Variants in ZNF217 observed in about 807,000 individuals in gnomAD.
The protein encoded by ZNF217 is zinc finger protein 217.
In ZNF217, 12 loss-of-function variants were observed where a neutral mutation model predicts 73.3. The ratio of observed to expected loss-of-function variants is 0.16; its 90% CI spans 0.10 to 0.27. The LOEUF (loss-of-function observed/expected upper bound fraction) is 0.27. ZNF217 is among the 10% of genes least tolerant of loss of function. ZNF217 has a pLI of 1.00. For missense variants in ZNF217, 1,195 were observed against 1,327.8 expected (o/e 0.90, Z 1.55); for synonymous variants, 588 against 516.4 (o/e 1.14, Z -1.88).
Position 53,571,859 on chromosome 20 carries a change from T to TG in ZNF217, c.3038-7dup, listed in dbSNP as rs1555807059. On this transcript the variant is annotated splice_polypyrimidine_tract_variant and splice_region_variant and intron_variant, in intron 4 of 5. Transcript: ENST00000371471. ...ATATGACACAGGCCTTTTTCCTGAT[T>TG]GAAAAAAAAAACATATTTAGAGTTA... is the stretch of plus-strand genomic sequence containing the variant. 6.4e-7 allele frequency: 1 copy of TG among 1,574,794 alleles called. No homozygotes were observed. The highest frequency in any genetic ancestry group is 2.0e-5 in the Admixed American group (1 of 49,888).
chr20:53,593,683 G>C (rs920018719), intron 1 of ZNF217, 73 bp downstream of exon 1: 1 of 151,012 alleles, frequency 6.6e-6, no homozygotes, highest in Non-Finnish European at 1.5e-5. Context: ...GGCGCCTCGG[G>C]GGCGGCGCGG....
intron 1 of ZNF217, among the ~76,000 whole-genome samples, chr20:53,585,367 C>A (rs968436577): frequency 6.6e-6 from 1 of 152,092 alleles, no homozygotes; most frequent in African/African-American, 2.4e-5. Flanking sequence ...GGAGACCAGC[C>A]TGGCCAACAT....
intron 1 of ZNF217, among the ~76,000 whole-genome samples, chr20:53,591,360 T>C (rs1988873707): frequency 6.6e-6 from 1 of 152,254 alleles, no homozygotes; most frequent in Admixed American, 6.5e-5. Flanking sequence ...TTCCTCCTTC[T>C]GTAGGCAAAT....
In ZNF217 at chr20:53,567,847, T is replaced by A. The variant is rs1369116856; in HGVS notation, c.*1441A>T. The stretch of plus-strand genomic sequence containing the variant: ...TTGCATAATTTAAAAAAAAAAAATT[T>A]TTTCTAGGATTACCCTTGCTCTATG... On this transcript the variant is annotated 3_prime_UTR_variant, in exon 6 of 6. Transcript: ENST00000371471. 2.6e-5 allele frequency: 4 copies of A among 151,466 alleles called. No individual in the cohort carries two copies. The highest frequency in any genetic ancestry group is 9.9e-5 in the African/African-American group (4 of 40,546). 9.4% of individuals were successfully genotyped at this position (151,466 alleles called of 1,614,324 possible). A position where few individuals can be genotyped will look rare whatever the true frequency, so the allele number is the denominator to read the frequency against.
At chr20:53,571,650 GC>G in intron 5 of ZNF217, 70 bp downstream of exon 5, 1 of 1,506,840 alleles carries the variant, frequency 6.6e-7, no homozygotes, top group South Asian at 1.3e-5. Flanking sequence ...CAGGTGATCC[GC>G]CCGCCCTGAC....
chr20:53,583,178 A>G lies in ZNF217; in HGVS notation c.-342-10T>C. The stretch of plus-strand genomic sequence containing the variant: ...AAGGGATTTCCAAACCCTAGAGGAA[A>G]AAAAACAGAAACGGTTAGCTACACT... On this transcript the variant is annotated splice_polypyrimidine_tract_variant and intron_variant, in intron 1 of 5. Transcript: ENST00000371471. 1 of 410,562 alleles carries G rather than the reference A, an allele frequency of 2.4e-6. No homozygotes were observed. The highest frequency in any genetic ancestry group is 4.3e-6 in the Non-Finnish European group (1 of 232,644). The allele number at this position is 410,562 out of a possible 1,614,324, so 25.4% of individuals were successfully genotyped here. A position where few individuals can be genotyped will look rare whatever the true frequency, so the allele number is the denominator to read the frequency against.
At position 53,583,084 on chromosome 20, in the gene ZNF217, T is replaced by C. The variant is rs1988569060; in HGVS notation, c.-258A>G. On this transcript the variant is annotated 5_prime_UTR_variant, in exon 2 of 6. Coordinates refer to ENST00000371471, the MANE Select transcript of ZNF217 (RefSeq NM_006526.3). ...TCAAATATGAATCAGCACAAAGCATTAGTTCTCTTTGTCTCCATTGAATGA... is the reference window on the plus strand; with the variant it reads ...TCAAATATGAATCAGCACAAAGCATCAGTTCTCTTTGTCTCCATTGAATGA... 1 of 440,566 alleles carries C rather than the reference T, an allele frequency of 2.3e-6. No individual in the cohort carries two copies. Among genetic ancestry groups the C allele is most frequent in the Non-Finnish European group, 4.0e-6 (1 of 249,936 alleles). The allele number at this position is 440,566 out of a possible 1,614,324, so 27.3% of individuals were successfully genotyped here. A position where few individuals can be genotyped will look rare whatever the true frequency, so the allele number is the denominator to read the frequency against.
chr20:53,586,357 C>T (rs1252867552), intron 1 of ZNF217, among the ~76,000 whole-genome samples: 1 of 152,094 alleles, frequency 6.6e-6, no homozygotes, highest in African/African-American at 2.4e-5. Flanking sequence ...TGGCTATCAG[C>T]GACTGCCATC....
chr20:53,576,463 G>T lies in ZNF217; in HGVS notation c.2301C>A (p.Pro767=), dbSNP rs1457268726. The T allele has an allele frequency of 1.2e-6, 2 of 1,614,098 alleles. No homozygotes were observed. The highest frequency in any genetic ancestry group is 1.7e-6 in the Non-Finnish European group (2 of 1,180,040). ...PPALLGKDVP[P]LSSFCKPKPK... ...GCTTGGGTTTACAGAAACTAGAGAGGGGAGGCACATCTTTTCCCAGCAACG... is the reference window on the plus strand; with the variant it reads ...GCTTGGGTTTACAGAAACTAGAGAGTGGAGGCACATCTTTTCCCAGCAACG... Residue 767 remains proline, a synonymous_variant, in exon 4 of 6, where the codon CCC becomes CCA. Coordinates refer to ENST00000371471, the MANE Select transcript of ZNF217 (RefSeq NM_006526.3).
rs1987873086 is a variant in ZNF217, at chr20:53,569,098, A to G, written c.*190T>C. On this transcript the variant is annotated 3_prime_UTR_variant, in exon 6 of 6. Transcript: ENST00000371471. ...CTAGTTTGTATTGCTATTTGGTACA[A>G]AAGTTAACAGAACAACTTTACACAA... is the stretch of plus-strand genomic sequence containing the variant. 7.8e-7 allele frequency: 1 copy of G among 1,282,986 alleles called. No individual in the cohort carries two copies. The highest frequency in any genetic ancestry group is 1.6e-5 in the African/African-American group (1 of 64,504). 79.5% of individuals were successfully genotyped at this position (1,282,986 alleles called of 1,614,324 possible).
rs935154043 is a variant in ZNF217 at position 53,568,960 on chromosome 20, C to T, written c.*328G>A. On this transcript the variant is annotated 3_prime_UTR_variant, in exon 6 of 6. Coordinates refer to ENST00000371471, the MANE Select transcript of ZNF217 (RefSeq NM_006526.3). Reference sequence around the variant, plus strand: ...AACCCAAATGATTTCTTTTCAGCAGCGCTCAAGTATGCAAAAATTCCACTT... The same window carrying T: ...AACCCAAATGATTTCTTTTCAGCAGTGCTCAAGTATGCAAAAATTCCACTT... 3 of 210,400 alleles carry T rather than the reference C, an allele frequency of 1.4e-5. No individual in the cohort carries two copies. The highest frequency in any genetic ancestry group is 2.5e-5 in the African/African-American group (1 of 39,994). 13.0% of individuals were successfully genotyped at this position (210,400 alleles called of 1,614,324 possible). A position where few individuals can be genotyped will look rare whatever the true frequency, so the allele number is the denominator to read the frequency against.
chr20:53,569,003 A>C lies in ZNF217; in HGVS notation c.*285T>G. ...TTCCACTTCTTATTTGGTCAATTCT[A>C]AGAAAAATATTATTCAGGGACAAAA... On this transcript the variant is annotated 3_prime_UTR_variant, in exon 6 of 6. Coordinates refer to ENST00000371471, the MANE Select transcript of ZNF217 (RefSeq NM_006526.3). 1.3e-6 allele frequency: 1 copy of C among 767,916 alleles called. No individual in the cohort carries two copies. The highest frequency in any genetic ancestry group is 1.6e-6 in the Non-Finnish European group (1 of 620,840). The allele number at this position is 767,916 out of a possible 1,614,324, so 47.6% of individuals were successfully genotyped here.
chr20:53,578,442 C>A lies in ZNF217; in HGVS notation c.1375G>T (p.Asp459Tyr). The A allele has an allele frequency of 1.3e-6, 2 of 1,561,462 alleles. No individual in the cohort carries two copies. Among genetic ancestry groups the A allele is most frequent in the Admixed American group, 2.1e-5 (1 of 48,566 alleles). ...AGATGTTTTATTTTTCCTCCATCAT[C>A]ATTTTTATCTTAAAGGAAAAACAAA... ...LPEGIHLDKN[D>Y]DGGKIKHLTS... Residue 459 changes from aspartate (D) to tyrosine (Y), a missense_variant, in exon 3 of 6, where the codon GAT becomes TAT. Asp to Tyr is a radical substitution (Grantham distance 160). Around this residue, in one of 9 missense-constraint regions of ZNF217, gnomAD observed 116 missense variants for 121.9 expected, o/e 0.95. Coordinates refer to ENST00000371471, the MANE Select transcript of ZNF217 (RefSeq NM_006526.3).
intron 1 of ZNF217, among the ~76,000 whole-genome samples, chr20:53,584,276 C>CA (rs1203899490): frequency 6.6e-6 from 1 of 152,230 alleles, no homozygotes; most frequent in African/African-American, 2.4e-5. Flanking sequence ...CTACTCCCAG[C>CA]AAAGTAACCT....
In ZNF217 at chr20:53,576,758, T is replaced by C; in HGVS notation, c.2006A>G (p.Glu669Gly). The change falls in exon 4 of 6, where the codon GAG becomes GGG. Residue 669 changes from glutamate (E) to glycine (G), a missense_variant. By Grantham distance (98) the Glu-to-Gly change is moderately conservative. This residue lies in a region of ZNF217 where 649 missense variants were observed against 642.8 expected (regional missense o/e 1.01). Transcript: ENST00000371471. ...LEVSPKEKQT[E>G]TAADCRYRPS... ...CCTGTATCTGCAGTCAGCTGCGGTC[T>C]CCGTTTGCTTCTCTTTGGGGCTAAC... 6.2e-7 allele frequency: 1 copy of C among 1,614,248 alleles called. No homozygotes were observed. Among genetic ancestry groups the C allele is most frequent in the Non-Finnish European group, 8.5e-7 (1 of 1,180,034 alleles).
At chr20:53,573,442 C>T (rs1173536278) in intron 4 of ZNF217, among the ~76,000 whole-genome samples, 2 of 151,922 alleles carry the variant, frequency 1.3e-5, no homozygotes, top group South Asian at 2.1e-4. Context: ...CTCCCATATA[C>T]TTTACTTACT....
At chr20:53,574,594 AG>A (rs1376733117) in intron 4 of ZNF217, 8 of 152,404 alleles carry the variant, frequency 5.2e-5, no homozygotes, top group African/African-American at 1.9e-4. Flanking sequence ...CAGGAGTTCA[AG>A]ACCAGCCTGG....
intron 1 of ZNF217, among the ~76,000 whole-genome samples, chr20:53,584,052 C>G (rs185373272): frequency 6.6e-6 from 1 of 152,332 alleles, no homozygotes; most frequent in East Asian, 1.9e-4. Flanking sequence ...ATCTACCTTT[C>G]ACATCATGCA....
chr20:53,583,574 C>T (rs1195206516), intron 1 of ZNF217, among the ~76,000 whole-genome samples: 1 of 152,210 alleles, frequency 6.6e-6, no homozygotes, highest in Admixed American at 6.5e-5. Flanking sequence ...AATTAAAACA[C>T]TTTAGTAAAC....
Sources: allele counts gnomAD v4.1 joint callset (sites outside exome capture counted in the v4.1 genomes callset), GRCh38; gene constraint gnomAD v4.1.1; regional missense constraint gnomAD v4.1.1; transcripts MANE v1.5; gene names NCBI Gene and HGNC (gene_info 2026-07-23, HGNC 2026-07-21).